The following ZNF366 variants were observed in gnomAD, a reference collection of about 807,000 sequenced individuals.
ZNF366 encodes dendritic cell-specific transcript protein.
Under a neutral mutation model 47.2 loss-of-function variants are expected in ZNF366, and 20 were observed. That is an observed-to-expected ratio of 0.42 (90% CI 0.30 to 0.62). The LOEUF is 0.62. Ranked by LOEUF, ZNF366 falls within the 20% of genes least tolerant of loss-of-function variation. ZNF366 has a pLI of 0.16. For synonymous variants in ZNF366, 421 were observed against 395.1 expected (o/e 1.07, Z -0.78); for missense variants, 987 against 976.3 (o/e 1.01, Z -0.15).
chr5:72,468,265 C>T (rs899185788), intron 1 of ZNF366, among the ~76,000 whole-genome samples: 5 of 152,078 alleles, frequency 3.3e-5, no homozygotes, highest in African/African-American at 1.2e-4. Flanking sequence ...GTGGTAGAAC[C>T]AAAAAGAGGT....
At chr5:72,487,381 G>C (rs893887765) in intron 1 of ZNF366, among the ~76,000 whole-genome samples, 2 of 152,152 alleles carry the variant, frequency 1.3e-5, no homozygotes, top group Non-Finnish European at 2.9e-5. Flanking sequence ...AAAGTACTTT[G>C]TCTTTTTTAA....
chr5:72,489,890 G>A (rs1007566117), intron 1 of ZNF366, among the ~76,000 whole-genome samples: 1 of 152,202 alleles, frequency 6.6e-6, no homozygotes, highest in African/African-American at 2.4e-5. Flanking sequence ...GCTCCACAAT[G>A]CAGCAGCATC....
At chr5:72,474,709 G>T (rs1273042395) in intron 1 of ZNF366, among the ~76,000 whole-genome samples, 1 of 151,828 alleles carries the variant, frequency 6.6e-6, no homozygotes, top group East Asian at 1.9e-4. Flanking sequence ...AGTAATCCAA[G>T]TTGCTTATTC....
chr5:72,447,218 C>T (rs1742977176), intron 4 of ZNF366, 25 bp downstream of exon 4: 2 of 1,612,366 alleles, frequency 1.2e-6, no homozygotes, highest in Non-Finnish European at 8.5e-7. Flanking sequence ...GACTGACTTG[C>T]AGGGCTTCCC....
chr5:72,472,485 A>G, intron 1 of ZNF366: 1 of 928,336 alleles, frequency 1.1e-6, no homozygotes, highest in Non-Finnish European at 1.3e-6. Context: ...AGCCTTCCCT[A>G]CCAGTGGGTT....
At chr5:72,491,607 T>C (rs1744011251) in intron 1 of ZNF366, among the ~76,000 whole-genome samples, 1 of 152,176 alleles carries the variant, frequency 6.6e-6, no homozygotes, top group African/African-American at 2.4e-5. Flanking sequence ...TGCCTGGTTA[T>C]TATAAGATTT....
chr5:72,484,499 A>T (rs1014217319), intron 1 of ZNF366, among the ~76,000 whole-genome samples: 43 of 144,486 alleles, frequency 3.0e-4, no homozygotes, highest in Non-Finnish European at 2.0e-4. Flanking sequence ...AAAAAAAAAT[A>T]ATAATAATAA....
chr5:72,506,412 A>G (rs1378361152), intron 1 of ZNF366, among the ~76,000 whole-genome samples: 3 of 152,220 alleles, frequency 2.0e-5, no homozygotes, highest in African/African-American at 7.2e-5. Flanking sequence ...CTAGTTGTGT[A>G]TGTTAGCTTG....
chr5:72,470,092 A>G (rs1743529519), intron 1 of ZNF366, among the ~76,000 whole-genome samples: 1 of 152,228 alleles, frequency 6.6e-6, no homozygotes. Flanking sequence ...TCAGTGGACA[A>G]GATCATTCTG....
At chr5:72,452,503 T>C (rs964190130) in intron 3 of ZNF366, among the ~76,000 whole-genome samples, 1 of 152,140 alleles carries the variant, frequency 6.6e-6, no homozygotes, top group Admixed American at 6.5e-5. Context: ...GCCTGAAAAC[T>C]CTGACCCCAA....
intron 1 of ZNF366, among the ~76,000 whole-genome samples, chr5:72,502,831 A>C (rs1744236404): frequency 6.6e-6 from 1 of 152,218 alleles, no homozygotes; most frequent in Admixed American, 6.5e-5. Flanking sequence ...ATAAATCAAA[A>C]AGTGCTATTC....
At position 72,462,547 on chromosome 5, in the gene ZNF366, C is replaced by T. The variant is rs201952105; in HGVS notation, c.-14-1037G>A. On this transcript the variant is annotated intron_variant, in intron 1 of 4. Coordinates refer to ENST00000318442, the MANE Select transcript of ZNF366 (RefSeq NM_152625.3). ...TCTTTCTTTCTTTCTTTCTTTCTTT[C>T]TTTTTTTTTTTTTTTGGAGATGGAG... Among the ~76,000 whole-genome samples the T allele has an allele frequency of 1.3e-3, 102 of 78,926 alleles. 1 individual carries two copies. Among genetic ancestry groups the T allele is most frequent in the Non-Finnish European group, 6.9e-4 (31 of 44,670 alleles). The allele number at this position is 78,926 out of a possible 152,430, so 51.8% of individuals were successfully genotyped here. A position where few individuals can be genotyped will look rare whatever the true frequency, so the allele number is the denominator to read the frequency against.
At chr5:72,489,468 A>G (rs1389652501) in intron 1 of ZNF366, among the ~76,000 whole-genome samples, 1 of 152,092 alleles carries the variant, frequency 6.6e-6, no homozygotes, top group Non-Finnish European at 1.5e-5. Flanking sequence ...CCTGACTAAT[A>G]TATTTCTTCA....
At chr5:72,448,882 G>A (rs1428775837) in intron 3 of ZNF366, among the ~76,000 whole-genome samples, 1 of 152,160 alleles carries the variant, frequency 6.6e-6, no homozygotes, top group African/African-American at 2.4e-5. Context: ...TAAATGGCTG[G>A]TTCTGTATTC....
At chr5:72,494,371 G>C (rs897648191) in intron 1 of ZNF366, 7 of 152,180 alleles carry the variant, frequency 4.6e-5, no homozygotes, top group African/African-American at 1.7e-4. Flanking sequence ...AGAATTTGGA[G>C]GGCCTCTTGT....
chr5:72,500,317 A>G (rs1326134122), intron 1 of ZNF366, among the ~76,000 whole-genome samples: 2 of 152,046 alleles, frequency 1.3e-5, no homozygotes, highest in Admixed American at 1.3e-4. Context: ...TTTTTAGGGT[A>G]ATCTGCCTGA....
At chr5:72,473,289 T>C (rs1368936093) in intron 1 of ZNF366, among the ~76,000 whole-genome samples, 1 of 152,230 alleles carries the variant, frequency 6.6e-6, no homozygotes, top group Non-Finnish European at 1.5e-5. Flanking sequence ...AGATTGTCAG[T>C]GTGGAGCTCC....
intron 4 of ZNF366, among the ~76,000 whole-genome samples, chr5:72,446,961 T>C (rs1742972702): frequency 6.6e-6 from 1 of 152,200 alleles, no homozygotes; most frequent in African/African-American, 2.4e-5. Context: ...GGAGTTGCCA[T>C]GAATATTAGC....
At chr5:72,458,022 T>C (rs1743225929) in intron 2 of ZNF366, among the ~76,000 whole-genome samples, 1 of 142,812 alleles carries the variant, frequency 7.0e-6, no homozygotes, top group Non-Finnish European at 1.5e-5. Context: ...CTTTTTTTTT[T>C]TTTTTTTTTT....
Sources: gnomAD v4.1 joint callset for allele counts (sites outside exome capture counted in the v4.1 genomes callset) on GRCh38, gnomAD v4.1.1 for gene constraint, MANE v1.5 for transcripts, NCBI Gene and HGNC (gene_info 2026-07-23, HGNC 2026-07-21) for gene names.